SGCD: variants seen among roughly 807,000 people sequenced by gnomAD.
SGCD encodes delta-sarcoglycan.
Under a neutral mutation model 36.6 loss-of-function variants are expected in SGCD, and 18 were observed. The ratio of observed to expected loss-of-function variants is 0.49; its 90% CI spans 0.34 to 0.73. The LOEUF is 0.73. SGCD is among the 30% of genes least tolerant of loss of function. SGCD has a pLI of 0.01. For missense variants in SGCD, 387 were observed against 346.7 expected (o/e 1.12, Z -0.92); for synonymous variants, 133 against 130.6 (o/e 1.02, Z -0.12).
chr5:155,785,793 T>C, the SGCD span, among the ~76,000 whole-genome samples: 1 of 152,174 alleles, frequency 6.6e-6, no homozygotes, highest in Non-Finnish European at 1.5e-5. Context: ...TTTAGTATAT[T>C]TATATATAAA....
intron 1 of SGCD, among the ~76,000 whole-genome samples, chr5:156,113,470 C>T (rs1417057919): frequency 6.6e-6 from 1 of 152,108 alleles, no homozygotes; most frequent in East Asian, 1.9e-4. Flanking sequence ...TTTTGAGGTA[C>T]AGAATATCAG....
At chr5:156,565,603 T>A (rs902455031) in intron 4 of SGCD, among the ~76,000 whole-genome samples, 1 of 152,154 alleles carries the variant, frequency 6.6e-6, no homozygotes, top group Non-Finnish European at 1.5e-5. Flanking sequence ...ACGTGCAGGT[T>A]TGTTACAAAG....
chr5:156,463,598 G>A (rs907978236), intron 3 of SGCD, among the ~76,000 whole-genome samples: 2 of 152,140 alleles, frequency 1.3e-5, no homozygotes, highest in Non-Finnish European at 2.9e-5. Flanking sequence ...AGGGAGAACT[G>A]AGTAGATCTT....
chr5:156,712,825 C>T (rs559284645), intron 7 of SGCD, among the ~76,000 whole-genome samples: 83 of 152,300 alleles, frequency 5.4e-4, no homozygotes, highest in Middle Eastern at 6.8e-3. Flanking sequence ...TGGCTTCCCA[C>T]CCACTGTCTA....
At chr5:155,988,932 G>A (rs1009483530) in intron 1 of SGCD, among the ~76,000 whole-genome samples, 1 of 152,120 alleles carries the variant, frequency 6.6e-6, no homozygotes, top group Admixed American at 6.6e-5. Context: ...AATGGACAGT[G>A]GAAGTTTAAC....
the SGCD span, among the ~76,000 whole-genome samples, chr5:155,762,017 A>G: frequency 6.6e-6 from 1 of 152,250 alleles, no homozygotes; most frequent in Non-Finnish European, 1.5e-5. Flanking sequence ...TTACAAATAT[A>G]CACTTGAATC....
chr5:155,830,023 A>G, the SGCD span, among the ~76,000 whole-genome samples: 1 of 152,168 alleles, frequency 6.6e-6, no homozygotes, highest in Non-Finnish European at 1.5e-5. Context: ...TATGTCACAG[A>G]TGAGGGGATG....
At chr5:156,489,112 CTG>C (rs1430497786) in intron 3 of SGCD, among the ~76,000 whole-genome samples, 1 of 151,980 alleles carries the variant, frequency 6.6e-6, no homozygotes, top group Non-Finnish European at 1.5e-5. Flanking sequence ...AAATCAAAAA[CTG>C]TAAAAAGAGA....
chr5:156,592,130 A>T lies in SGCD; in HGVS notation c.383-2802A>T, dbSNP rs191475843. On this transcript the variant is annotated intron_variant, in intron 5 of 8. Coordinates refer to ENST00000337851, the MANE Select transcript of SGCD (RefSeq NM_000337.6). ...CAGCTGTTCATGAATTCAAAGTAAC[A>T]CAGGAAGGTGTCCTTAACTCCTCAG... 6.6e-5 allele frequency among the ~76,000 whole-genome samples: 10 copies of T among 152,234 alleles called. No individual in the cohort carries two copies. The East Asian group carries it at 1.7e-3, about 27-fold the overall frequency.
chr5:155,979,977 C>T (rs576804624), intron 1 of SGCD, among the ~76,000 whole-genome samples: 2 of 152,134 alleles, frequency 1.3e-5, no homozygotes, highest in African/African-American at 4.8e-5. Flanking sequence ...CATGAGGGTT[C>T]CACCTTCATG....
the SGCD span, among the ~76,000 whole-genome samples, chr5:155,813,318 G>A: frequency 1.3e-5 from 2 of 151,992 alleles, no homozygotes; most frequent in African/African-American, 2.4e-5. Context: ...AGAAAGAAAG[G>A]CAAACTATCA....
chr5:156,711,592 G>T (rs1754996893), intron 7 of SGCD, among the ~76,000 whole-genome samples: 1 of 152,196 alleles, frequency 6.6e-6, no homozygotes, highest in Non-Finnish European at 1.5e-5. Context: ...TTCAGGGAAA[G>T]GTTGACCCCA....
chr5:155,795,077 TCTAA>T, the SGCD span, among the ~76,000 whole-genome samples: 1 of 152,098 alleles, frequency 6.6e-6, no homozygotes. Context: ...ACTGCCAGAC[TCTAA>T]CTTTTTACTG....
At chr5:155,969,619 C>T (rs1458129604) in intron 1 of SGCD, among the ~76,000 whole-genome samples, 1 of 152,104 alleles carries the variant, frequency 6.6e-6, no homozygotes, top group Non-Finnish European at 1.5e-5. Context: ...CAGCCTATGT[C>T]TGCGCCCTGT....
rs1447587576 is a variant in SGCD, at chr5:156,403,833, A to T, written c.192+59156A>T. ...AGAAGGGCATGATATTCCCTGACAT[A>T]TTTTTTTTTCTTTTTTTTTGAGATG... is the stretch of plus-strand genomic sequence containing the variant. On this transcript the variant is annotated intron_variant, in intron 3 of 8. Transcript: ENST00000337851. Among the ~76,000 whole-genome samples, 4 of 114,884 alleles carry T rather than the reference A, an allele frequency of 3.5e-5. 1 individual carries two copies. Among genetic ancestry groups the T allele is most frequent in the African/African-American group, 7.4e-5 (2 of 27,156 alleles). The allele number at this position is 114,884 out of a possible 152,430, so 75.4% of individuals were successfully genotyped here.
At chr5:155,802,897 C>T in the SGCD span, among the ~76,000 whole-genome samples, 1 of 152,144 alleles carries the variant, frequency 6.6e-6, no homozygotes, top group Admixed American at 6.6e-5. Flanking sequence ...GAATCAGTCT[C>T]CTTTGGGAGA....
intron 1 of SGCD, among the ~76,000 whole-genome samples, chr5:155,885,191 A>G (rs1326515990): frequency 8.6e-6 from 1 of 116,806 alleles, no homozygotes; most frequent in Non-Finnish European, 1.6e-5. Flanking sequence ...ACAGCCAATA[A>G]TTCCTTAGGT....
chr5:156,077,804 C>A (rs916418618), intron 1 of SGCD, among the ~76,000 whole-genome samples: 1 of 152,264 alleles, frequency 6.6e-6, no homozygotes, highest in Admixed American at 6.5e-5. Context: ...CAGGCACTCC[C>A]GGCAAGGTCG....
intron 1 of SGCD, among the ~76,000 whole-genome samples, chr5:155,983,445 G>T (rs1382494621): frequency 2.6e-5 from 4 of 152,098 alleles, no homozygotes; most frequent in African/African-American, 9.7e-5. Flanking sequence ...GATAACAGGT[G>T]CACGCCACCA....
Sources: gnomAD v4.1 joint callset for allele counts (sites outside exome capture counted in the v4.1 genomes callset) on GRCh38, gnomAD v4.1.1 for gene constraint, MANE v1.5 for transcripts, NCBI Gene and HGNC (gene_info 2026-07-23, HGNC 2026-07-21) for gene names.